The following SLC24A2 variants were observed in gnomAD, a reference collection of about 807,000 sequenced individuals.
SLC24A2 encodes the protein sodium/potassium/calcium exchanger 2.
SLC24A2 carries 36 observed loss-of-function variants against 62.0 expected under a neutral mutation model. The observed-to-expected ratio is 0.58, with a 90% CI of 0.44 to 0.77. SLC24A2 has a LOEUF of 0.77. Ranked by LOEUF, SLC24A2 falls within the 30% of genes least tolerant of loss-of-function variation. SLC24A2 has a pLI of 0.00. For missense variants in SLC24A2, 846 were observed against 817.9 expected (o/e 1.03, Z -0.42); for synonymous variants, 358 against 294.0 (o/e 1.22, Z -2.23).
At chr9:19,947,566 A>G in the SLC24A2 span, among the ~76,000 whole-genome samples, 2 of 151,920 alleles carry the variant, frequency 1.3e-5, no homozygotes, top group African/African-American at 2.4e-5. Flanking sequence ...CGAGGTGGGC[A>G]CATCATGAGG....
chr9:20,081,306 T>G, the SLC24A2 span, among the ~76,000 whole-genome samples: 2 of 151,814 alleles, frequency 1.3e-5, no homozygotes, highest in Non-Finnish European at 2.9e-5. Flanking sequence ...CCATAAAAAA[T>G]GATGAGTTCA....
the SLC24A2 span, among the ~76,000 whole-genome samples, chr9:20,028,950 T>C: frequency 5.9e-5 from 9 of 152,142 alleles, no homozygotes; most frequent in Admixed American, 1.3e-4. Flanking sequence ...GTCCAGCCGT[T>C]TCTGTTTCCT....
chr9:19,962,610 A>G, the SLC24A2 span, among the ~76,000 whole-genome samples: 4 of 152,196 alleles, frequency 2.6e-5, no homozygotes, highest in East Asian at 5.8e-4. Flanking sequence ...TAAGTATTTT[A>G]TTCTCTTTGA....
chr9:20,102,779 G>A, the SLC24A2 span, among the ~76,000 whole-genome samples: 3 of 152,124 alleles, frequency 2.0e-5, no homozygotes, highest in East Asian at 1.9e-4. Context: ...CACAGAAGAC[G>A]GGTGATTTCT....
chr9:20,219,605 G>A, the SLC24A2 span, among the ~76,000 whole-genome samples: 2 of 152,062 alleles, frequency 1.3e-5, no homozygotes, highest in African/African-American at 4.8e-5. Flanking sequence ...TAAACTTTAG[G>A]TGAATCAACA....
the SLC24A2 span, among the ~76,000 whole-genome samples, chr9:19,820,702 G>T: frequency 6.6e-6 from 1 of 151,908 alleles, no homozygotes; most frequent in Non-Finnish European, 1.5e-5. Context: ...GTGTGTATTT[G>T]TGTGTATGTA....
In SLC24A2 at chr9:19,786,519, G is replaced by A; in HGVS notation, c.348C>T (p.Ala116=). 1 of 1,614,120 alleles carries A rather than the reference G, an allele frequency of 6.2e-7. No individual in the cohort carries two copies. Among genetic ancestry groups the A allele is most frequent in the South Asian group, 1.1e-5 (1 of 91,076 alleles). Residue 116 remains alanine (A), a synonymous_variant, in exon 2 of 11, where the codon GCC becomes GCT. Coordinates refer to ENST00000341998, the MANE Select transcript of SLC24A2 (RefSeq NM_020344.4). This position sits in a 1 kb window ranked among gnomAD's most constrained non-coding sequence, Gnocchi z 5.0. The part of the protein sequence containing the change: ...EGESENSTDH[A]QGDYPKDIFS... ...AGATGTCTTTCGGGTAGTCTCCTTG[G>A]GCGTGATCTGTACTATTCTCAGACT...
chr9:19,633,289 G>A (rs549450123), intron 2 of SLC24A2, among the ~76,000 whole-genome samples: 1 of 152,186 alleles, frequency 6.6e-6, no homozygotes, highest in Non-Finnish European at 1.5e-5. Flanking sequence ...GTGTAACTAT[G>A]TTTCATTTAT....
the SLC24A2 span, among the ~76,000 whole-genome samples, chr9:20,285,553 T>G: frequency 6.6e-6 from 1 of 152,184 alleles, no homozygotes; most frequent in Non-Finnish European, 1.5e-5. Flanking sequence ...TTTGTTCTAC[T>G]TAGGCCTTTA....
chr9:19,987,028 C>A, the SLC24A2 span, among the ~76,000 whole-genome samples: 119,125 of 151,700 alleles, frequency 0.79, 47,033 homozygotes, highest in Non-Finnish European at 0.82. Flanking sequence ...ACAAAGGAGT[C>A]AAAGAAGCAG....
At chr9:19,681,261 C>A (rs1055343825) in intron 2 of SLC24A2, among the ~76,000 whole-genome samples, 1 of 152,068 alleles carries the variant, frequency 6.6e-6, no homozygotes, top group Non-Finnish European at 1.5e-5. Flanking sequence ...CCACATAGAT[C>A]TCTGTTATCT....
At chr9:19,994,616 G>A in the SLC24A2 span, among the ~76,000 whole-genome samples, 1 of 152,190 alleles carries the variant, frequency 6.6e-6, no homozygotes, top group African/African-American at 2.4e-5. Flanking sequence ...AGAGCCAGGA[G>A]TTGGCATGCT....
chr9:20,220,907 C>T, the SLC24A2 span, among the ~76,000 whole-genome samples: 2 of 152,068 alleles, frequency 1.3e-5, no homozygotes, highest in African/African-American at 4.8e-5. Context: ...CTCAATTAAC[C>T]TAAGCAAAAT....
At chr9:20,090,834 A>G in the SLC24A2 span, among the ~76,000 whole-genome samples, 1 of 152,190 alleles carries the variant, frequency 6.6e-6, no homozygotes, top group African/African-American at 2.4e-5. Context: ...AAGTTCTCCA[A>G]AAAAGGTTTT....
chr9:19,674,583 T>G (rs1340968911), intron 2 of SLC24A2, among the ~76,000 whole-genome samples: 1 of 152,226 alleles, frequency 6.6e-6, no homozygotes, highest in African/African-American at 2.4e-5. Context: ...TTTCTTTGTC[T>G]TTGTTGAATT....
chr9:20,290,552 A>C, the SLC24A2 span, among the ~76,000 whole-genome samples: 1 of 152,364 alleles, frequency 6.6e-6, no homozygotes, highest in South Asian at 2.1e-4. Flanking sequence ...GTGTGATCAC[A>C]GAGAAAGCTT....
At chr9:20,134,275 C>T in the SLC24A2 span, among the ~76,000 whole-genome samples, 1 of 152,174 alleles carries the variant, frequency 6.6e-6, no homozygotes, top group African/African-American at 2.4e-5. Flanking sequence ...AGATATATAT[C>T]GAAGAAGAAA....
the SLC24A2 span, among the ~76,000 whole-genome samples, chr9:20,048,661 T>C: frequency 6.6e-6 from 1 of 152,018 alleles, no homozygotes; most frequent in African/African-American, 2.4e-5. Flanking sequence ...AAAGTATACC[T>C]TCAGCTGGGT....
intron 2 of SLC24A2, among the ~76,000 whole-genome samples, chr9:19,636,279 T>TTCTCTTCTCTTC (rs200792136): frequency 1.8e-5 from 1 of 54,864 alleles, no homozygotes; most frequent in African/African-American, 8.1e-5. Flanking sequence ...TCTTCTTCTC[T>TTCTCTTCTCTTC]TCTTCTCTTC....
Sources: allele counts gnomAD v4.1 joint callset (sites outside exome capture counted in the v4.1 genomes callset), GRCh38; gene constraint gnomAD v4.1.1; non-coding constraint Gnocchi (gnomAD v3.1); transcripts MANE v1.5; gene names NCBI Gene and HGNC (gene_info 2026-07-23, HGNC 2026-07-21).